Variants in GYPB observed in about 807,000 individuals in gnomAD.
GYPB encodes glycophorin-B.
Under a neutral mutation model 15.3 loss-of-function variants are expected in GYPB, and 13 were observed. The ratio of observed to expected loss-of-function variants is 0.85; its 90% CI spans 0.55 to 1.35. The LOEUF (loss-of-function observed/expected upper bound fraction) is 1.35, where lower values mean the gene tolerates loss of function less well. GYPB is among the 40% of genes most tolerant of loss of function. The pLI, the probability that GYPB is intolerant of heterozygous loss-of-function variation, is 0.00. For synonymous variants in GYPB, 38 were observed against 36.9 expected (o/e 1.03, Z -0.11); for missense variants, 131 against 108.3 (o/e 1.21, Z -0.93).
At chr4:143,999,375 G>C in intron 3 of GYPB, 36 bp downstream of exon 3, 1 of 1,228,058 alleles carries the variant, frequency 8.1e-7, no homozygotes, top group Non-Finnish European at 1.2e-6. Flanking sequence ...AGTTTAAAAT[G>C]GAATGACTTT....
In GYPB at chr4:143,998,363, T is replaced by C. The variant is rs181590304; in HGVS notation, c.176-729A>G. 2.3e-4 allele frequency among the ~76,000 whole-genome samples: 35 copies of C among 151,660 alleles called. 3 individuals are homozygous for C. The highest frequency in any genetic ancestry group is 8.6e-4 in the African/African-American group (35 of 40,892). On this transcript the variant is annotated intron_variant, in intron 3 of 4. Transcript: ENST00000502664. ...AGATGAAGTAAATAGAATGGAAGGC[T>C]AGACATACAGGTAAAATGGCTCATT...
At chr4:144,006,671 T>C (rs1033763947) in intron 1 of GYPB, among the ~76,000 whole-genome samples, 3 of 152,092 alleles carry the variant, frequency 2.0e-5, no homozygotes, top group African/African-American at 7.3e-5. Context: ...GAAAGAAGCC[T>C]TATCTTGCAT....
At chr4:143,996,559 G>A (rs1361070596) in intron 4 of GYPB, among the ~76,000 whole-genome samples, 5 of 150,974 alleles carry the variant, frequency 3.3e-5, no homozygotes, top group Non-Finnish European at 7.4e-5. Flanking sequence ...GAGGTCAGGA[G>A]TTTGAAACCA....
chr4:144,000,562 A>G, intron 2 of GYPB: 1 of 356,566 alleles, frequency 2.8e-6, no homozygotes, highest in Non-Finnish European at 5.3e-6. Flanking sequence ...ATTCTCCCAC[A>G]TCCCTCCCAG....
At chr4:144,002,684 C>T in intron 1 of GYPB, 2 of 1,286,544 alleles carry the variant, frequency 1.6e-6, no homozygotes, top group Non-Finnish European at 2.0e-6. Context: ...CAGCTGAATG[C>T]TCAAAGTTTC....
At chr4:144,017,628 C>A (rs552622386) in intron 1 of GYPB, among the ~76,000 whole-genome samples, 1 of 151,178 alleles carries the variant, frequency 6.6e-6, no homozygotes, top group South Asian at 2.1e-4. Flanking sequence ...AAAAAAAAAT[C>A]ATTTCTTTGC....
At chr4:143,995,510 T>C (rs536111557), downstream of GYPB, among the ~76,000 whole-genome samples, 1 of 151,248 alleles carries the variant, frequency 6.6e-6, no homozygotes, top group Non-Finnish European at 1.5e-5. Flanking sequence ...GGTCCTTTGG[T>C]TTAACCTGTC....
chr4:144,016,548 A>G (rs1728511513), intron 1 of GYPB, among the ~76,000 whole-genome samples: 1 of 151,222 alleles, frequency 6.6e-6, no homozygotes, highest in South Asian at 2.1e-4. Context: ...CTGGGAATAC[A>G]TGGATGAATA....
chr4:143,995,994 T>C (rs1328848055), downstream of GYPB: 12 of 441,936 alleles, frequency 2.7e-5, 1 homozygote, highest in African/African-American at 4.1e-5. Context: ...CTGCATGTTC[T>C]CCGCTGTTGG....
At chr4:144,008,140 A>G (rs1185509279) in intron 1 of GYPB, among the ~76,000 whole-genome samples, 12 of 151,710 alleles carry the variant, frequency 7.9e-5, no homozygotes, top group Non-Finnish European at 1.5e-4. Flanking sequence ...AACATCAGAA[A>G]CATTGCCTGA....
intron 4 of GYPB, among the ~76,000 whole-genome samples, chr4:143,996,873 A>C (rs960459245): frequency 9.3e-5 from 8 of 86,340 alleles, no homozygotes; most frequent in African/African-American, 3.9e-4. Flanking sequence ...TGTGAGAATT[A>C]AGAAAGGCAA....
In GYPB at chr4:143,996,185, G is replaced by A; in HGVS notation, c.*114C>T. The A allele has an allele frequency of 1.9e-6, 3 of 1,540,748 alleles. No individual in the cohort carries two copies. The highest frequency in any genetic ancestry group is 2.6e-6 in the Non-Finnish European group (3 of 1,140,714). On this transcript the variant is annotated 3_prime_UTR_variant, in exon 5 of 5. Transcript: ENST00000502664. ...GGCAGGAGAACAGGGAATTAGGATA[G>A]CCAGGGGTAGGGGCATAAGCAAAGG...
rs1727632172 is a variant in GYPB, at chr4:144,001,645, T to C, written c.38-362A>G. Reference sequence around the variant, plus strand: ...TATGTGTGTGTATGTGATGTGTATGTGTTAGTATAGTACTTGACACATAAA... The same window carrying C: ...TATGTGTGTGTATGTGATGTGTATGCGTTAGTATAGTACTTGACACATAAA... On this transcript the variant is annotated intron_variant, in intron 1 of 4. Coordinates refer to ENST00000502664, the MANE Select transcript of GYPB (RefSeq NM_002100.6). Among the ~76,000 whole-genome samples, 4 of 151,434 alleles carry C rather than the reference T, an allele frequency of 2.6e-5. No individual in the cohort carries two copies. In the South Asian group the frequency reaches 8.3e-4, roughly 31 times the overall value.
At chr4:143,996,054 T>C (rs1727292199), downstream of GYPB, 1 of 1,135,392 alleles carries the variant, frequency 8.8e-7, no homozygotes, top group Non-Finnish European at 1.2e-6. Flanking sequence ...TAATGGGCTT[T>C]ACATTTTAAA....
chr4:144,004,805 A>G (rs1727810440), intron 1 of GYPB, among the ~76,000 whole-genome samples: 1 of 151,888 alleles, frequency 6.6e-6, no homozygotes, highest in South Asian at 2.1e-4. Flanking sequence ...CTAACCAGCT[A>G]ATAGACATCT....
At chr4:144,002,786 C>T in intron 1 of GYPB, 2 of 772,560 alleles carry the variant, frequency 2.6e-6, no homozygotes, top group South Asian at 2.9e-5. Flanking sequence ...CTCTATTTAT[C>T]AGCTGATAGG....
intron 1 of GYPB, among the ~76,000 whole-genome samples, chr4:144,014,327 G>A: frequency 6.6e-6 from 1 of 151,646 alleles, no homozygotes. Flanking sequence ...TAGCCAAAAG[G>A]TGGAAACAAC....
chr4:144,019,174 G>A (rs1858319), intron 1 of GYPB, 77 bp downstream of exon 1: 156 of 1,605,406 alleles, frequency 9.7e-5, no homozygotes, highest in Middle Eastern at 3.3e-4. Flanking sequence ...AGATAGAACT[G>A]AAATAGGGTA....
At position 144,017,533 on chromosome 4, in the gene GYPB, A is replaced by T. The variant is rs564505291; in HGVS notation, c.37+1718T>A. 2.3e-3 allele frequency among the ~76,000 whole-genome samples: 350 copies of T among 151,218 alleles called. 6 individuals are homozygous for T. The highest frequency in any genetic ancestry group is 0.01 in the Middle Eastern group (3 of 294). ...GGTACTGGAGACCATTGTAGCTTTC[A>T]GGGTCATCTTGCCCCAGTGACCTCT... On this transcript the variant is annotated intron_variant, in intron 1 of 4. Transcript: ENST00000502664.
Sources: gnomAD v4.1 joint callset for allele counts (sites outside exome capture counted in the v4.1 genomes callset) on GRCh38, gnomAD v4.1.1 for gene constraint, MANE v1.5 for transcripts, NCBI Gene and HGNC (gene_info 2026-07-23, HGNC 2026-07-21) for gene names.